RBFOX1: variants seen among roughly 807,000 people sequenced by gnomAD.
RBFOX1 encodes RNA binding protein fox-1 homolog 1.
Under a neutral mutation model 57.7 loss-of-function variants are expected in RBFOX1, and 8 were observed. The observed-to-expected ratio is 0.14, with a 90% CI of 0.08 to 0.25. The LOEUF is 0.25. Ranked by LOEUF, RBFOX1 falls within the 10% of genes least tolerant of loss-of-function variation. The probability of loss-of-function intolerance (pLI) is 1.00; values close to 1 mark genes in which losing one functional copy is unlikely to be tolerated. For synonymous variants in RBFOX1, 326 were observed against 222.4 expected (o/e 1.47, Z -4.15); for missense variants, 611 against 548.5 (o/e 1.11, Z -1.14).
At chr16:6,864,989 CT>C (rs1555544471) in intron 3 of RBFOX1, among the ~76,000 whole-genome samples, 1 of 105,802 alleles carries the variant, frequency 9.5e-6, no homozygotes, top group African/African-American at 3.8e-5. Context: ...GTGGGTTTTT[CT>C]TTTTCTTTTT....
At chr16:5,800,707 T>A (rs973402439) in intron 3 of RBFOX1, among the ~76,000 whole-genome samples, 2 of 152,108 alleles carry the variant, frequency 1.3e-5, no homozygotes, top group African/African-American at 2.4e-5. Context: ...CTGCAGTCAT[T>A]ATTACAGAGA....
At chr16:7,254,494 CTCTCT>C (rs1421568806) in intron 4 of RBFOX1, among the ~76,000 whole-genome samples, 1 of 106,564 alleles carries the variant, frequency 9.4e-6, no homozygotes, top group African/African-American at 3.6e-5. Context: ...GTCTCTCTCT[CTCTCT>C]TTTTTTTTAT....
At chr16:6,550,338 A>G (rs2110616) in intron 2 of RBFOX1, among the ~76,000 whole-genome samples, 150,085 of 152,196 alleles carry the variant, frequency 0.99, 74,040 homozygotes, top group Middle Eastern at 1. Context: ...CACCAGGCCC[A>G]GCTAATTTTT....
intron 2 of RBFOX1, chr16:6,483,610 G>A: frequency 7.1e-7 from 1 of 1,410,952 alleles, no homozygotes; most frequent in Non-Finnish European, 9.4e-7. Context: ...GAGAGGGAGG[G>A]AGGGAAGGGA....
intron 4 of RBFOX1, among the ~76,000 whole-genome samples, chr16:7,192,281 C>A (rs897576547): frequency 2.0e-5 from 3 of 152,122 alleles, no homozygotes; most frequent in African/African-American, 7.2e-5. Context: ...AGAGAGTTTC[C>A]TTGTGAATCT....
intron 2 of RBFOX1, among the ~76,000 whole-genome samples, chr16:6,615,077 A>G (rs1365549476): frequency 6.6e-6 from 1 of 152,194 alleles, no homozygotes. Flanking sequence ...GGCCATGTGG[A>G]TGGTATCGTG....
intron 2 of RBFOX1, among the ~76,000 whole-genome samples, chr16:6,318,983 C>T (rs938217047): frequency 6.6e-6 from 1 of 151,830 alleles, no homozygotes; most frequent in African/African-American, 2.4e-5. Context: ...GTCACTTCCT[C>T]TGGAACAAAC....
chr16:6,295,041 C>G (rs919511169), intron 1 of RBFOX1, among the ~76,000 whole-genome samples: 3 of 151,100 alleles, frequency 2.0e-5, no homozygotes, highest in African/African-American at 7.3e-5. Flanking sequence ...ACTATACTCT[C>G]TTTCTCCCAC....
chr16:5,445,321 C>G (rs928565939), intron 1 of RBFOX1, among the ~76,000 whole-genome samples: 3 of 152,112 alleles, frequency 2.0e-5, no homozygotes, highest in African/African-American at 7.2e-5. Context: ...TCTTCAAATC[C>G]TGGCTTGAAT....
intron 1 of RBFOX1, among the ~76,000 whole-genome samples, chr16:5,431,050 C>G (rs1173319081): frequency 6.6e-6 from 1 of 152,202 alleles, no homozygotes; most frequent in Non-Finnish European, 1.5e-5. Context: ...ATTGGTGACA[C>G]TCTTTCTCCG....
At chr16:6,853,417 C>T (rs1397187164) in intron 3 of RBFOX1, among the ~76,000 whole-genome samples, 6 of 152,126 alleles carry the variant, frequency 3.9e-5, no homozygotes, top group Non-Finnish European at 8.8e-5. Flanking sequence ...CTGATAGTGC[C>T]TGCCCCCAGC....
At chr16:7,419,868 C>T (rs1012162300) in intron 4 of RBFOX1, among the ~76,000 whole-genome samples, 1 of 151,216 alleles carries the variant, frequency 6.6e-6, no homozygotes, top group East Asian at 1.9e-4. Flanking sequence ...ACTAATTATA[C>T]CACTGTATTT....
chr16:6,750,869 G>A (rs2074801899), intron 3 of RBFOX1, among the ~76,000 whole-genome samples: 1 of 152,176 alleles, frequency 6.6e-6, no homozygotes, highest in Non-Finnish European at 1.5e-5. Flanking sequence ...AGCTGAAATA[G>A]TGAGTGATGG....
At chr16:5,842,390 T>G (rs1456564300) in intron 3 of RBFOX1, among the ~76,000 whole-genome samples, 4 of 152,336 alleles carry the variant, frequency 2.6e-5, no homozygotes, top group Non-Finnish European at 2.9e-5. Context: ...AGCCCTTGGA[T>G]TTGATTTCCA....
intron 3 of RBFOX1, among the ~76,000 whole-genome samples, chr16:6,876,696 AGTT>A (rs2061913113): frequency 1.3e-5 from 2 of 152,252 alleles, no homozygotes; most frequent in African/African-American, 2.4e-5. Context: ...GAACCAAAGA[AGTT>A]GTTATCTGCC....
At chr16:5,960,626 G>A (rs887591054) in intron 4 of RBFOX1, among the ~76,000 whole-genome samples, 11 of 151,926 alleles carry the variant, frequency 7.2e-5, no homozygotes, top group East Asian at 3.9e-4. Flanking sequence ...TCATATCTCC[G>A]AAACCTCTAG....
chr16:7,237,959 G>A (rs187111411), intron 4 of RBFOX1, among the ~76,000 whole-genome samples: 8 of 152,298 alleles, frequency 5.3e-5, no homozygotes, highest in South Asian at 2.1e-4. Flanking sequence ...AGCCCACGTC[G>A]CGTCCCTGCA....
intron 3 of RBFOX1, among the ~76,000 whole-genome samples, chr16:6,846,177 A>G (rs1030555089): frequency 1.4e-4 from 21 of 152,162 alleles, no homozygotes; most frequent in African/African-American, 4.8e-4. Flanking sequence ...GGCCCATCCA[A>G]TAAATATTTG....
chr16:7,418,230 A>C (rs1347396195), intron 4 of RBFOX1, among the ~76,000 whole-genome samples: 1 of 152,194 alleles, frequency 6.6e-6, no homozygotes, highest in East Asian at 1.9e-4. Flanking sequence ...ACTGGTTAAA[A>C]AGTTATTGCA....
Sources: gnomAD v4.1 joint callset for allele counts (sites outside exome capture counted in the v4.1 genomes callset) on GRCh38, gnomAD v4.1.1 for gene constraint, MANE v1.5 for transcripts, NCBI Gene and HGNC (gene_info 2026-07-23, HGNC 2026-07-21) for gene names.